Variants in SGCG observed in about 807,000 individuals in gnomAD.
The protein encoded by SGCG is sarcoglycan gamma.
SGCG carries 26 observed loss-of-function variants against 29.3 expected under a neutral mutation model. The ratio of observed to expected loss-of-function variants is 0.89; its 90% CI spans 0.65 to 1.23. The LOEUF is 1.23. Ranked by LOEUF, SGCG falls within the 50% of genes most tolerant of loss-of-function variation. SGCG has a pLI of 0.00. For missense variants in SGCG, 353 were observed against 356.0 expected, an observed-to-expected ratio of 0.99 and a Z score of 0.07; for synonymous variants, 145 against 129.7, an observed-to-expected ratio of 1.12 and a Z score of -0.80.
chr13:23,274,850 G>C (rs1316669847), intron 4 of SGCG, among the ~76,000 whole-genome samples: 1 of 151,808 alleles, frequency 6.6e-6, no homozygotes, highest in African/African-American at 2.4e-5. Context: ...ATTTAATAAT[G>C]CTATGAAATT....
At chr13:23,287,066 C>T (rs551903424) in intron 5 of SGCG, among the ~76,000 whole-genome samples, 6 of 152,250 alleles carry the variant, frequency 3.9e-5, no homozygotes, top group African/African-American at 1.4e-4. Context: ...TAAGGATGCC[C>T]CCACTGAGCC....
chr13:23,245,047 G>A (rs984819079), intron 3 of SGCG: 3 of 152,266 alleles, frequency 2.0e-5, no homozygotes, highest in African/African-American at 7.2e-5. Context: ...TGCACACCAA[G>A]GTTTTTCCTA....
At chr13:23,168,673 A>G in the SGCG span, among the ~76,000 whole-genome samples, 1 of 152,232 alleles carries the variant, frequency 6.6e-6, no homozygotes, top group Non-Finnish European at 1.5e-5. Flanking sequence ...CTTCAACAAG[A>G]ACTACATTTG....
At chr13:23,165,521 G>A in the SGCG span, among the ~76,000 whole-genome samples, 1 of 140,868 alleles carries the variant, frequency 7.1e-6, no homozygotes. Context: ...TTCAGTAGGA[G>A]GCAAACTTTT....
intron 6 of SGCG, among the ~76,000 whole-genome samples, chr13:23,311,968 T>C (rs1566043265): frequency 1.3e-5 from 2 of 152,146 alleles, no homozygotes; most frequent in Admixed American, 1.3e-4. Flanking sequence ...TTTTCGTTGC[T>C]TTTTTGCAAC....
chr13:23,282,538 T>G (rs1157450254), intron 5 of SGCG, among the ~76,000 whole-genome samples: 1 of 152,200 alleles, frequency 6.6e-6, no homozygotes, highest in Non-Finnish European at 1.5e-5. Flanking sequence ...TGTGTCCACA[T>G]GTTCTCATCG....
At chr13:23,201,572 G>A (rs778568755) in intron 1 of SGCG, among the ~76,000 whole-genome samples, 1 of 152,078 alleles carries the variant, frequency 6.6e-6, no homozygotes, top group Non-Finnish European at 1.5e-5. Flanking sequence ...GAAAAGGCAA[G>A]CAACGTCTCC....
chr13:23,269,655 G>A (rs1463785452), intron 4 of SGCG, among the ~76,000 whole-genome samples: 1 of 151,992 alleles, frequency 6.6e-6, no homozygotes, highest in East Asian at 1.9e-4. Context: ...GAATAGTATG[G>A]CCCTCAAAAT....
At chr13:23,262,058 A>G (rs1247211881) in intron 4 of SGCG, among the ~76,000 whole-genome samples, 1 of 152,014 alleles carries the variant, frequency 6.6e-6, no homozygotes, top group Non-Finnish European at 1.5e-5. Flanking sequence ...GAAACTCCTG[A>G]AAGCACAAAA....
intron 1 of SGCG, among the ~76,000 whole-genome samples, chr13:23,196,949 G>C (rs1419887449): frequency 1.3e-5 from 2 of 152,196 alleles, no homozygotes; most frequent in Non-Finnish European, 2.9e-5. Flanking sequence ...TAGGCAGCCT[G>C]AATTTAACCA....
the SGCG span, among the ~76,000 whole-genome samples, chr13:23,168,961 ATTC>A: frequency 1.3e-5 from 2 of 152,048 alleles, no homozygotes; most frequent in Non-Finnish European, 2.9e-5. Flanking sequence ...AATTAATGGT[ATTC>A]TTATAATCAT....
chr13:23,260,711 T>TC (rs1218416706), intron 4 of SGCG, among the ~76,000 whole-genome samples: 1 of 152,204 alleles, frequency 6.6e-6, no homozygotes. Context: ...GTTTAGTGCT[T>TC]CCTTCAGGAG....
intron 6 of SGCG, among the ~76,000 whole-genome samples, chr13:23,317,661 ACTTATGTAATAGT>A (rs1303785428): frequency 6.6e-6 from 1 of 152,200 alleles, no homozygotes; most frequent in Non-Finnish European, 1.5e-5. Context: ...AGTATTGTTA[ACTTATGTAATAGT>A]ATTTGGGTTG....
At chr13:23,200,204 C>T (rs2137495364) in intron 1 of SGCG, among the ~76,000 whole-genome samples, 1 of 152,268 alleles carries the variant, frequency 6.6e-6, no homozygotes, top group South Asian at 2.1e-4. Context: ...GAGTGGATTA[C>T]CTGAGGTCAG....
At chr13:23,315,263 T>C (rs1473339131) in intron 6 of SGCG, among the ~76,000 whole-genome samples, 1 of 152,208 alleles carries the variant, frequency 6.6e-6, no homozygotes, top group Non-Finnish European at 1.5e-5. Flanking sequence ...CCATGTGACC[T>C]GAACTGCCTA....
chr13:23,184,705 T>C (rs1019011056), intron 1 of SGCG, among the ~76,000 whole-genome samples: 4 of 152,190 alleles, frequency 2.6e-5, no homozygotes, highest in Non-Finnish European at 5.9e-5. Context: ...CTCACTTCTC[T>C]AAGAAGTGTC....
intron 2 of SGCG, among the ~76,000 whole-genome samples, chr13:23,226,305 A>T (rs1189544815): frequency 1.3e-5 from 2 of 152,240 alleles, no homozygotes; most frequent in Admixed American, 6.5e-5. Context: ...ACTAAATGAA[A>T]GCTGATATGA....
At chr13:23,185,754 A>AC (rs1245753883) in intron 1 of SGCG, among the ~76,000 whole-genome samples, 1 of 152,162 alleles carries the variant, frequency 6.6e-6, no homozygotes, top group Non-Finnish European at 1.5e-5. Flanking sequence ...CACTGATAAA[A>AC]CGTTGGAGTG....
intron 2 of SGCG, among the ~76,000 whole-genome samples, chr13:23,213,628 C>T (rs1878315888): frequency 6.6e-6 from 1 of 152,196 alleles, no homozygotes; most frequent in South Asian, 2.1e-4. Context: ...GTTATGAACA[C>T]ACTTTACAAA....
Sources: allele counts gnomAD v4.1 joint callset (sites outside exome capture counted in the v4.1 genomes callset), GRCh38; gene constraint gnomAD v4.1.1; transcripts MANE v1.5; gene names NCBI Gene and HGNC (gene_info 2026-07-23, HGNC 2026-07-21).